NAPB: variants seen among roughly 807,000 people sequenced by gnomAD.
The protein encoded by NAPB is NSF attachment protein beta, also known as beta-soluble NSF attachment protein.
A neutral mutation model predicts 44.7 loss-of-function variants in NAPB; 26 were observed. The ratio of observed to expected loss-of-function variants is 0.58; its 90% confidence interval spans 0.43 to 0.81. The LOEUF (loss-of-function observed/expected upper bound fraction) is 0.81, where lower values mean the gene tolerates loss of function less well. Ranked by LOEUF, NAPB falls within the 30% of genes least tolerant of loss-of-function variation. The probability of loss-of-function intolerance (pLI) is 0.00; values close to 1 mark genes in which losing one functional copy is unlikely to be tolerated. For missense variants in NAPB, 315 were observed against 356.4 expected, an observed-to-expected ratio of 0.88 and a Z score of 0.94; for synonymous variants, 120 against 116.8, an observed-to-expected ratio of 1.03 and a Z score of -0.18.
At chr20:23,396,036 AATCT>A (rs1162993445) in intron 3 of NAPB, among the ~76,000 whole-genome samples, 4 of 152,244 alleles carry the variant, frequency 2.6e-5, no homozygotes, top group Admixed American at 2.0e-4. Context: ...AGAGAAAAAT[AATCT>A]ATCAATAATC....
rs1003884905 is a variant in NAPB at position 23,377,191 on chromosome 20, A to G, written c.*185T>C. On this transcript the variant is annotated 3_prime_UTR_variant, in exon 11 of 11. Coordinates refer to ENST00000377026, the MANE Select transcript of NAPB (RefSeq NM_022080.3). ...TGAAACAACCCATCATTACCACAAG[A>G]TGAACAGGAGCCTCTCCTTCATTCA... is the stretch of plus-strand genomic sequence containing the variant. 13 of 378,564 alleles carry G rather than the reference A, an allele frequency of 3.4e-5. No homozygotes were observed. Among genetic ancestry groups the G allele is most frequent in the Non-Finnish European group, 6.2e-5 (13 of 210,784 alleles). 23.5% of individuals were successfully genotyped at this position (378,564 alleles called of 1,614,324 possible).
chr20:23,418,532 C>T (rs977647770), intron 1 of NAPB, among the ~76,000 whole-genome samples: 1 of 152,104 alleles, frequency 6.6e-6, no homozygotes, highest in Middle Eastern at 3.2e-3. Flanking sequence ...TACTCTTCTT[C>T]CTGCAAGCTT....
intron 1 of NAPB, among the ~76,000 whole-genome samples, chr20:23,418,168 C>G (rs1244603970): frequency 6.6e-6 from 1 of 152,164 alleles, no homozygotes; most frequent in African/African-American, 2.4e-5. Context: ...CTAGTCAGCT[C>G]TTAAATATAT....
chr20:23,382,000 C>A (rs1197664244), intron 7 of NAPB, among the ~76,000 whole-genome samples: 2 of 152,136 alleles, frequency 1.3e-5, no homozygotes, highest in African/African-American at 4.8e-5. Context: ...TGATCCCCAC[C>A]CAACCCCCTG....
intron 1 of NAPB, among the ~76,000 whole-genome samples, chr20:23,413,131 G>A (rs1186106882): frequency 4.7e-5 from 7 of 150,046 alleles, no homozygotes; most frequent in African/African-American, 1.7e-4. Context: ...ATTCCGTGTC[G>A]AAAAAAAAAT....
In NAPB at chr20:23,410,752, A is replaced by G. The variant is rs554349740; in HGVS notation, c.99-7680T>C. Among the ~76,000 whole-genome samples, 6 of 152,324 alleles carry G rather than the reference A, an allele frequency of 3.9e-5. No homozygotes were observed. In the South Asian group the frequency reaches 1.2e-3, roughly 32 times the overall value. ...CATACCAAAAAAGCCCCAAAACAAAAAAGAAACAAGAATTAAAATACGTTC... is the reference window on the plus strand; with the variant it reads ...CATACCAAAAAAGCCCCAAAACAAAGAAGAAACAAGAATTAAAATACGTTC... On this transcript the variant is annotated intron_variant, in intron 1 of 10. Coordinates refer to ENST00000377026, the MANE Select transcript of NAPB (RefSeq NM_022080.3).
chr20:23,408,931 G>T (rs1028198120), intron 1 of NAPB, among the ~76,000 whole-genome samples: 1 of 152,154 alleles, frequency 6.6e-6, no homozygotes, highest in Non-Finnish European at 1.5e-5. Flanking sequence ...AGGTAGGAGG[G>T]AGATACTCTC....
intron 7 of NAPB, among the ~76,000 whole-genome samples, chr20:23,387,034 C>G (rs1042585691): frequency 6.6e-6 from 1 of 152,020 alleles, no homozygotes; most frequent in African/African-American, 2.4e-5. Flanking sequence ...AAAAACCATA[C>G]GCTTATCTCA....
intron 10 of NAPB, chr20:23,379,198 A>C (rs879749851): frequency 3.8e-5 from 15 of 392,770 alleles, no homozygotes; most frequent in East Asian, 2.4e-4. Context: ...TAAGAATATA[A>C]ATGGAATATT....
At chr20:23,406,285 G>A (rs1316160104) in intron 1 of NAPB, among the ~76,000 whole-genome samples, 1 of 152,132 alleles carries the variant, frequency 6.6e-6, no homozygotes, top group Non-Finnish European at 1.5e-5. Flanking sequence ...GGGAGTGTTG[G>A]GGAAAAGCAG....
At position 23,379,530 on chromosome 20, in the gene NAPB, G is replaced by A; in HGVS notation, c.736-35C>T. The A allele has an allele frequency of 2.0e-6, 3 of 1,482,156 alleles. No individual in the cohort carries two copies. The South Asian group carries it at 3.6e-5, about 18-fold the overall frequency. The allele number at this position is 1,482,156 out of a possible 1,614,324, so 91.8% of individuals were successfully genotyped here. ...TAAAAATATTTTAAAAAACAGTTCT[G>A]TAAGATGAAGTCCCATTTCTAAATA... On this transcript the variant is annotated intron_variant, in intron 9 of 10. Transcript: ENST00000377026.
At chr20:23,395,322 A>G in intron 3 of NAPB, 137 bp from the exon 4 acceptor site, 1 of 777,302 alleles carries the variant, frequency 1.3e-6, no homozygotes. Context: ...GGTTAATGAG[A>G]AGCAAACAAA....
rs1364367666 is a variant in NAPB, at chr20:23,398,004, AG to A, written c.179-817del. Among the ~76,000 whole-genome samples the A allele has an allele frequency of 3.9e-5, 6 of 152,212 alleles. No individual in the cohort carries two copies. In the South Asian group the frequency reaches 1.2e-3, roughly 31 times the overall value. On this transcript the variant is annotated intron_variant, in intron 2 of 10. Transcript: ENST00000377026. ...GCTAGCAGAGGAGTCACAGGAACAC[AG>A]AAGAAATGCTTGAAGGTAAGAAAGG...
At chr20:23,401,426 G>A (rs905492935) in intron 2 of NAPB, among the ~76,000 whole-genome samples, 1 of 152,140 alleles carries the variant, frequency 6.6e-6, no homozygotes, top group Non-Finnish European at 1.5e-5. Flanking sequence ...GACTGGAAAA[G>A]TGCAGCAGTA....
intron 1 of NAPB, among the ~76,000 whole-genome samples, chr20:23,406,768 AGTACTGGG>A (rs1985285938): frequency 6.6e-6 from 1 of 152,164 alleles, no homozygotes; most frequent in South Asian, 2.1e-4. Context: ...TTTTCTAAAG[AGTACTGGG>A]AATCTTGAAC....
At chr20:23,396,471 G>A (rs143709845) in intron 3 of NAPB, among the ~76,000 whole-genome samples, 184 of 152,318 alleles carry the variant, frequency 1.2e-3, no homozygotes, top group Non-Finnish European at 2.1e-3. Context: ...CTGTGCACGC[G>A]TGTGGAAGGT....
intron 8 of NAPB, chr20:23,380,706 G>A (rs1464921542): frequency 6.5e-6 from 1 of 153,044 alleles, no homozygotes; most frequent in Admixed American, 6.5e-5. Flanking sequence ...TATATTTTTA[G>A]TAGAAACGGG....
intron 10 of NAPB, 110 bp from the exon 11 acceptor site, chr20:23,377,596 C>T (rs6083099): frequency 0.31 from 148,100 of 479,120 alleles, 23,371 homozygotes; most frequent in East Asian, 0.37. Flanking sequence ...TACTAACTTT[C>T]TTCATCATTT....
intron 2 of NAPB, among the ~76,000 whole-genome samples, chr20:23,402,436 G>A (rs1984920996): frequency 6.6e-6 from 1 of 152,026 alleles, no homozygotes; most frequent in Admixed American, 6.6e-5. Flanking sequence ...GGTCTCACTG[G>A]GTAGAAAGCA....
Sources: allele counts gnomAD v4.1 joint callset (sites outside exome capture counted in the v4.1 genomes callset), GRCh38; gene constraint gnomAD v4.1.1; transcripts MANE v1.5; gene names NCBI Gene and HGNC (gene_info 2026-07-23, HGNC 2026-07-21).